The following ADAM10 variants were observed in gnomAD, a reference collection of about 807,000 sequenced individuals.
ADAM10 encodes the protein ADAM metallopeptidase domain 10.
Under a neutral mutation model 90.1 loss-of-function variants are expected in ADAM10, and 17 were observed. The ratio of observed to expected loss-of-function variants is 0.19; its 90% CI spans 0.13 to 0.28. The LOEUF (loss-of-function observed/expected upper bound fraction) is 0.28. Ranked by LOEUF, ADAM10 falls within the 10% of genes least tolerant of loss-of-function variation. ADAM10 has a pLI of 1.00. For missense variants in ADAM10, 610 were observed against 914.3 expected (o/e 0.67, Z 4.29); for synonymous variants, 310 against 298.6 (o/e 1.04, Z -0.40).
chr15:58,665,826 GACTT>G (rs1722004827), intron 4 of ADAM10, among the ~76,000 whole-genome samples: 1 of 151,954 alleles, frequency 6.6e-6, no homozygotes, highest in East Asian at 1.9e-4. Context: ...TTTAGATCCT[GACTT>G]ACTGTCAGTC....
chr15:58,626,722 G>T (rs1021352538), intron 10 of ADAM10, among the ~76,000 whole-genome samples: 1 of 152,108 alleles, frequency 6.6e-6, no homozygotes, highest in Non-Finnish European at 1.5e-5. Context: ...AACAAATATT[G>T]TATGTCCCCA....
chr15:58,667,883 C>A (rs1389935412), intron 4 of ADAM10, among the ~76,000 whole-genome samples: 1 of 151,904 alleles, frequency 6.6e-6, no homozygotes, highest in Non-Finnish European at 1.5e-5. Context: ...TCATGTCTTC[C>A]CAATCCCCAT....
intron 2 of ADAM10, chr15:58,686,550 C>T: frequency 7.1e-7 from 1 of 1,399,898 alleles, no homozygotes; most frequent in Admixed American, 1.8e-5. Flanking sequence ...TGCAAGGATG[C>T]CCTGCTGGTG....
At chr15:58,619,812 G>C (rs1245405614) in intron 11 of ADAM10, among the ~76,000 whole-genome samples, 2 of 152,030 alleles carry the variant, frequency 1.3e-5, no homozygotes, top group Non-Finnish European at 2.9e-5. Context: ...GCTGAGGCAA[G>C]AGAATGGCGT....
intron 2 of ADAM10, among the ~76,000 whole-genome samples, chr15:58,701,876 T>G (rs1898143990): frequency 6.6e-6 from 1 of 151,862 alleles, no homozygotes; most frequent in African/African-American, 2.4e-5. Flanking sequence ...GAGGACGAGG[T>G]GGGCGGATCT....
intron 11 of ADAM10, among the ~76,000 whole-genome samples, chr15:58,614,155 C>T (rs542358287): frequency 2.6e-5 from 4 of 152,032 alleles, no homozygotes; most frequent in African/African-American, 7.2e-5. Context: ...CATGGTGGCA[C>T]GCACCTGTAA....
rs1347805213 is a variant in ADAM10 at position 58,591,176 on chromosome 15, G to A, written c.*6371C>T. The A allele has an allele frequency of 6.6e-6, 1 of 152,078 alleles. No homozygotes were observed. Among genetic ancestry groups the A allele is most frequent in the Non-Finnish European group, 1.5e-5 (1 of 68,008 alleles). 9.4% of individuals were successfully genotyped at this position (152,078 alleles called of 1,614,324 possible). A position where few individuals can be genotyped will look rare whatever the true frequency, so the allele number is the denominator to read the frequency against. ...GAGAGAGAGAGACAGAGCAAACAGG[G>A]ACCCAATGGCCTGCTTGCTAAGATT... On this transcript the variant is annotated 3_prime_UTR_variant, in exon 16 of 16. Transcript: ENST00000260408.
chr15:58,603,028 T>C (rs1595982511), intron 14 of ADAM10, among the ~76,000 whole-genome samples: 1 of 152,254 alleles, frequency 6.6e-6, no homozygotes, highest in South Asian at 2.1e-4. Context: ...CTGACAGGGC[T>C]GAATCTGGCT....
At chr15:58,692,193 C>T (rs560726092) in intron 2 of ADAM10, 5 of 562,090 alleles carry the variant, frequency 8.9e-6, no homozygotes, top group Non-Finnish European at 1.8e-5. Flanking sequence ...CAAAGGGAGC[C>T]TGATGAGGGA....
At chr15:58,706,061 T>C (rs554145364) in intron 2 of ADAM10, among the ~76,000 whole-genome samples, 147 of 152,330 alleles carry the variant, frequency 9.7e-4, no homozygotes, top group African/African-American at 3.3e-3. Context: ...TGGACTACTG[T>C]AGACTAAAAA....
At chr15:58,646,305 T>C (rs1327203511) in intron 5 of ADAM10, 101 bp from the exon 6 acceptor site, 32 of 1,181,620 alleles carry the variant, frequency 2.7e-5, no homozygotes, top group Non-Finnish European at 3.7e-5. Flanking sequence ...TTCTGCTTTA[T>C]ATAACACCAT....
At chr15:58,651,611 T>C (rs1210432480) in intron 5 of ADAM10, among the ~76,000 whole-genome samples, 4 of 152,236 alleles carry the variant, frequency 2.6e-5, no homozygotes, top group African/African-American at 4.8e-5. Flanking sequence ...TATGGCTAAA[T>C]AGTATTCCAT....
At chr15:58,747,530 C>T (rs1480237867) in intron 1 of ADAM10, 1 of 152,122 alleles carries the variant, frequency 6.6e-6, no homozygotes, top group African/African-American at 2.4e-5. Flanking sequence ...TTACAAGTGA[C>T]CAAAAATAGC....
chr15:58,612,120 A>G lies in ADAM10; in HGVS notation c.1512-129T>C. 3.2e-6 allele frequency: 3 copies of G among 930,884 alleles called. No individual in the cohort carries two copies. In the South Asian group the frequency reaches 4.4e-5, roughly 14 times the overall value. 57.7% of individuals were successfully genotyped at this position (930,884 alleles called of 1,614,324 possible). On this transcript the variant is annotated intron_variant, in intron 11 of 15. Coordinates refer to ENST00000260408, the MANE Select transcript of ADAM10 (RefSeq NM_001110.4). ...TTAAATCCTAAGTCTCATCACTTAA[A>G]TGATAAGTATGTTACTGGTATACAA... is the stretch of plus-strand genomic sequence containing the variant.
At chr15:58,647,450 G>C (rs1335913258) in intron 5 of ADAM10, among the ~76,000 whole-genome samples, 1 of 151,568 alleles carries the variant, frequency 6.6e-6, no homozygotes. Context: ...ATTTTTAGTA[G>C]AGACAGGTTT....
At chr15:58,679,394 A>ATGTG in intron 3 of ADAM10, 112 bp from the exon 4 acceptor site, 3 of 887,750 alleles carry the variant, frequency 3.4e-6, no homozygotes, top group Non-Finnish European at 5.4e-6. Flanking sequence ...ATACATATAT[A>ATGTG]CACATATATA....
At chr15:58,612,480 C>A (rs1355589557) in intron 11 of ADAM10, among the ~76,000 whole-genome samples, 1 of 152,166 alleles carries the variant, frequency 6.6e-6, no homozygotes, top group Admixed American at 6.5e-5. Flanking sequence ...ACCCTTCTCC[C>A]CACAGTAGTC....
At chr15:58,695,425 T>C (rs1897948932) in intron 2 of ADAM10, among the ~76,000 whole-genome samples, 1 of 152,206 alleles carries the variant, frequency 6.6e-6, no homozygotes. Flanking sequence ...TGACTGTAAA[T>C]ACATAAATTA....
intron 5 of ADAM10, among the ~76,000 whole-genome samples, chr15:58,656,040 C>T (rs1275458076): frequency 1.3e-5 from 2 of 151,972 alleles, no homozygotes; most frequent in East Asian, 3.9e-4. Context: ...AGCTGCCAGG[C>T]CCAGCCCCCT....
Sources: allele counts gnomAD v4.1 joint callset (sites outside exome capture counted in the v4.1 genomes callset), GRCh38; gene constraint gnomAD v4.1.1; transcripts MANE v1.5; gene names NCBI Gene and HGNC (gene_info 2026-07-23, HGNC 2026-07-21).